Variants in SATB2 observed in about 807,000 individuals in gnomAD.
SATB2 encodes the protein SATB homeobox 2.
SATB2 carries 1 observed loss-of-function variant against 73.4 expected under a neutral mutation model. That is an observed-to-expected ratio of 0.01 (90% CI 0.00 to 0.06). SATB2 has a LOEUF of 0.06. Among genes scored for constraint, SATB2 ranks in the 10% least tolerant of loss-of-function variants. The pLI is 1.00. For missense variants in SATB2, 459 were observed against 945.8 expected (o/e 0.49, Z 6.75); for synonymous variants, 397 against 367.0 (o/e 1.08, Z -0.93).
upstream of SATB2, among the ~76,000 whole-genome samples, chr2:199,467,225 A>T (rs1273177754): frequency 6.6e-6 from 1 of 152,246 alleles, no homozygotes; most frequent in South Asian, 2.1e-4. Context: ...CCGGTGGCTA[A>T]GGAGCCAGGT....
At chr2:199,417,608 G>GA (rs1420053013) in intron 3 of SATB2, among the ~76,000 whole-genome samples, 1 of 151,848 alleles carries the variant, frequency 6.6e-6, no homozygotes, top group African/African-American at 2.4e-5. Context: ...CCAAGGAACA[G>GA]AAAAAAAATT....
At chr2:199,379,682 CTTTTT>C (rs71015899) in intron 5 of SATB2, among the ~76,000 whole-genome samples, 3 of 108,264 alleles carry the variant, frequency 2.8e-5, no homozygotes, top group African/African-American at 1.0e-4. Context: ...CTTTTCTTTT[CTTTTT>C]TTTTTTTTTT....
chr2:199,440,133 G>T, intron 2 of SATB2, among the ~76,000 whole-genome samples: 1 of 152,050 alleles, frequency 6.6e-6, no homozygotes, highest in Admixed American at 6.6e-5. Context: ...ATGAAGAAAA[G>T]CCTGAGTGCC....
chr2:199,337,525 A>G (rs1011372324), intron 7 of SATB2, among the ~76,000 whole-genome samples: 10 of 152,160 alleles, frequency 6.6e-5, no homozygotes, highest in Admixed American at 5.9e-4. Context: ...TTTTTCTTTC[A>G]TGAAGCCTTT....
chr2:199,302,687 G>A (rs144282432), intron 10 of SATB2, among the ~76,000 whole-genome samples: 1 of 152,110 alleles, frequency 6.6e-6, no homozygotes, highest in East Asian at 1.9e-4. Context: ...CTAGTAACCC[G>A]GTAAGAGAAT....
chr2:199,407,147 C>T (rs1398589062), intron 3 of SATB2, among the ~76,000 whole-genome samples: 1 of 151,740 alleles, frequency 6.6e-6, no homozygotes, highest in East Asian at 1.9e-4. Context: ...ATGGTGAAAC[C>T]TCATCTCTAC....
intron 10 of SATB2, among the ~76,000 whole-genome samples, chr2:199,283,007 GGT>G (rs1692572747): frequency 6.6e-6 from 1 of 152,004 alleles, no homozygotes; most frequent in Non-Finnish European, 1.5e-5. Context: ...CTCAAAGTGT[GGT>G]CCATGCAATA....
rs1012592364 is a variant in SATB2, at chr2:199,420,450, G to A, written c.346+12888C>T. On this transcript the variant is annotated intron_variant, in intron 3 of 10. Transcript: ENST00000417098. ...ACATCCTACTGGTGGGTGCTTGTTT[G>A]GATGAAAAATTGGTTATTTTAGGGA... Among the ~76,000 whole-genome samples the A allele has an allele frequency of 2.6e-5, 4 of 152,118 alleles. No individual in the cohort carries two copies. In the East Asian group the frequency reaches 5.8e-4, roughly 22 times the overall value.
chr2:199,272,252 C>T lies in SATB2; in HGVS notation c.2161G>A (p.Asp721Asn). The change falls in exon 11 of 11, where the codon GAC (aspartate) becomes AAC (asparagine). Residue 721 changes from aspartate to asparagine, a missense_variant. Around this residue, in one of 13 missense-constraint regions of SATB2, gnomAD observed 41 missense variants for 38.6 expected, o/e 1.06. Transcript: ENST00000417098. This position sits in a 1 kb window ranked among gnomAD's most constrained non-coding sequence, Gnocchi z 6.7. Reference sequence around the variant, plus strand: ...TCGGCAGGTGCTGCCTTGCTTTTGTCAGCATTTTCCTCCTCAGCCTCCACT... The same window carrying T: ...TCGGCAGGTGCTGCCTTGCTTTTGTTAGCATTTTCCTCCTCAGCCTCCACT... The part of the protein sequence containing the change: ...YKVEAEEENA[D>N]KSKAAPAEID... 5 of 1,614,196 alleles carry T rather than the reference C, an allele frequency of 3.1e-6. No homozygotes were observed. The Middle Eastern group carries it at 4.9e-4, about 160-fold the overall frequency.
At chr2:199,359,021 T>C (rs566540406) in intron 6 of SATB2, among the ~76,000 whole-genome samples, 1 of 152,274 alleles carries the variant, frequency 6.6e-6, no homozygotes, top group African/African-American at 2.4e-5. Context: ...TTTATTTTAA[T>C]CTAAAACTAT....
At chr2:199,398,944 A>T (rs1244705632) in intron 3 of SATB2, among the ~76,000 whole-genome samples, 1 of 152,230 alleles carries the variant, frequency 6.6e-6, no homozygotes, top group Non-Finnish European at 1.5e-5. Flanking sequence ...GGTGCTGAAC[A>T]GCCAATCTTT....
At chr2:199,291,799 C>T (rs951465097) in intron 10 of SATB2, among the ~76,000 whole-genome samples, 1 of 151,870 alleles carries the variant, frequency 6.6e-6, no homozygotes, top group African/African-American at 2.4e-5. Context: ...TAAATCCCAG[C>T]TACTAGGGAG....
chr2:199,376,916 G>A (rs1167678777), intron 5 of SATB2, among the ~76,000 whole-genome samples: 1 of 152,144 alleles, frequency 6.6e-6, no homozygotes, highest in Non-Finnish European at 1.5e-5. Context: ...GCATGCAAAA[G>A]CAAGCAAGTG....
intron 3 of SATB2, among the ~76,000 whole-genome samples, chr2:199,400,678 T>G (rs1559031661): frequency 1.3e-5 from 2 of 152,336 alleles, no homozygotes; most frequent in South Asian, 4.1e-4. Flanking sequence ...TCCTTTAATT[T>G]TCACAACAAA....
At chr2:199,291,104 T>C (rs898080895) in intron 10 of SATB2, among the ~76,000 whole-genome samples, 31 of 152,138 alleles carry the variant, frequency 2.0e-4, no homozygotes, top group Non-Finnish European at 4.4e-4. Flanking sequence ...CCAAAACAAA[T>C]ATTAAATGCC....
At chr2:199,355,423 G>T (rs1191395895) in intron 6 of SATB2, among the ~76,000 whole-genome samples, 3 of 142,604 alleles carry the variant, frequency 2.1e-5, no homozygotes, top group Admixed American at 7.1e-5. Flanking sequence ...TATTTCTTTT[G>T]CAATTATGTA....
chr2:199,315,099 A>C (rs7569519), intron 9 of SATB2, among the ~76,000 whole-genome samples: 91,148 of 151,850 alleles, frequency 0.6, 31,533 homozygotes, highest in Non-Finnish European at 0.77. Flanking sequence ...GACATGACAT[A>C]TATCATAAAG....
At chr2:199,319,255 C>A (rs546080941) in intron 9 of SATB2, among the ~76,000 whole-genome samples, 5 of 152,240 alleles carry the variant, frequency 3.3e-5, no homozygotes, top group Middle Eastern at 3.4e-3. Flanking sequence ...TCATTCCTGA[C>A]TTTAGTGGCA....
At chr2:199,417,241 T>C (rs148789888) in intron 3 of SATB2, among the ~76,000 whole-genome samples, 1 of 151,986 alleles carries the variant, frequency 6.6e-6, no homozygotes, top group Non-Finnish European at 1.5e-5. Flanking sequence ...TCCTGTGAAA[T>C]GCTCTAGGAG....
Sources: allele counts gnomAD v4.1 joint callset (sites outside exome capture counted in the v4.1 genomes callset), GRCh38; gene constraint gnomAD v4.1.1; regional missense constraint gnomAD v4.1.1; non-coding constraint Gnocchi (gnomAD v3.1); transcripts MANE v1.5; gene names NCBI Gene and HGNC (gene_info 2026-07-23, HGNC 2026-07-21).